The following SLC23A2 variants were observed in gnomAD, a reference collection of about 807,000 sequenced individuals.
SLC23A2 encodes Na(+)/L-ascorbic acid transporter 2.
SLC23A2 carries 36 observed loss-of-function variants against 73.3 expected under a neutral mutation model. The ratio of observed to expected loss-of-function variants is 0.49; its 90% CI spans 0.38 to 0.65. The LOEUF (loss-of-function observed/expected upper bound fraction) is 0.65, where lower values mean the gene tolerates loss of function less well. Among genes scored for constraint, SLC23A2 ranks in the 30% least tolerant of loss-of-function variants. The pLI, the probability that SLC23A2 is intolerant of heterozygous loss-of-function variation, is 0.00. For synonymous variants in SLC23A2, 343 were observed against 327.3 expected (o/e 1.05, Z -0.52); for missense variants, 507 against 841.6 (o/e 0.60, Z 4.92).
chr20:4,865,500 T>G (rs1171097093), intron 13 of SLC23A2, among the ~76,000 whole-genome samples: 2 of 152,200 alleles, frequency 1.3e-5, no homozygotes, highest in Non-Finnish European at 2.9e-5. Flanking sequence ...GCTGGCAAGG[T>G]AACTTGTCAG....
At position 4,902,551 on chromosome 20, in the gene SLC23A2, A is replaced by T. The variant is rs953295363; in HGVS notation, c.215T>A (p.Leu72His). The change falls in exon 5 of 17, where the codon CTC becomes CAC. Residue 72 changes from leucine to histidine, a missense_variant. This residue lies in a region of SLC23A2 where 78 missense variants were observed against 86.7 expected (regional missense o/e 0.90). Coordinates refer to ENST00000338244, the MANE Select transcript of SLC23A2 (RefSeq NM_005116.6). This position sits in a 1 kb window ranked among gnomAD's most constrained non-coding sequence, Gnocchi z 4.0. The part of the protein sequence containing the change: ...TENGIAEKSS[L>H]AETLDSTGSL... Reference sequence around the variant, plus strand: ...GCCAGTGCTATCCAGGGTCTCAGCGAGAGAGCTCTGCGAGCCAGAAGGAGA... The same window carrying T: ...GCCAGTGCTATCCAGGGTCTCAGCGTGAGAGCTCTGCGAGCCAGAAGGAGA... The T allele has an allele frequency of 3.1e-6, 5 of 1,598,354 alleles. No homozygotes were observed.
chr20:4,876,141 C>T (rs1930646370), intron 9 of SLC23A2, among the ~76,000 whole-genome samples: 1 of 152,298 alleles, frequency 6.6e-6, no homozygotes, highest in Non-Finnish European at 1.5e-5. Context: ...AATATGGTAA[C>T]AAGGGATACT....
intron 6 of SLC23A2, among the ~76,000 whole-genome samples, chr20:4,889,691 A>G (rs950675778): frequency 6.6e-6 from 1 of 151,646 alleles, no homozygotes; most frequent in Non-Finnish European, 1.5e-5. Flanking sequence ...ACTCCCCACA[A>G]GCTGTCCTGC....
intron 6 of SLC23A2, among the ~76,000 whole-genome samples, chr20:4,888,526 C>T (rs1050378649): frequency 1.6e-4 from 24 of 152,158 alleles, no homozygotes; most frequent in African/African-American, 5.3e-4. Context: ...GACGAGATCC[C>T]ATGTCGGGCT....
rs537039640 is a variant in SLC23A2 at position 4,856,864 on chromosome 20, C to T, written c.*108G>A. ...TTCGCAGTCTGTCTTAGCTCTGGGG[C>T]GCAGAATGTAAATGTAGATATACAA... On this transcript the variant is annotated 3_prime_UTR_variant, in exon 17 of 17. Transcript: ENST00000338244. The surrounding 1 kb of genome is among the most constrained non-coding windows in gnomAD (Gnocchi z 4.6). 34 of 730,760 alleles carry T rather than the reference C, an allele frequency of 4.7e-5. No individual in the cohort carries two copies. Among genetic ancestry groups the T allele is most frequent in the South Asian group, 3.2e-4 (19 of 59,582 alleles). 45.3% of individuals were successfully genotyped at this position (730,760 alleles called of 1,614,324 possible).
chr20:4,908,738 G>A (rs1932041647), intron 4 of SLC23A2, among the ~76,000 whole-genome samples: 1 of 152,182 alleles, frequency 6.6e-6, no homozygotes, highest in Admixed American at 6.5e-5. Context: ...GGCCAGCCTG[G>A]TCAACATGGC....
intron 3 of SLC23A2, among the ~76,000 whole-genome samples, chr20:4,915,007 C>T (rs1160841229): frequency 6.6e-6 from 1 of 152,146 alleles, no homozygotes; most frequent in Admixed American, 6.5e-5. Context: ...CCGAGCAAGA[C>T]ATCGACTCTA....
intron 2 of SLC23A2, among the ~76,000 whole-genome samples, chr20:4,953,523 A>G (rs2087235290): frequency 6.6e-6 from 1 of 152,126 alleles, no homozygotes; most frequent in Non-Finnish European, 1.5e-5. Flanking sequence ...AATTTGAAAC[A>G]GAATACAGAC....
intron 1 of SLC23A2, among the ~76,000 whole-genome samples, chr20:4,986,939 A>G (rs2087840787): frequency 6.6e-6 from 1 of 152,030 alleles, no homozygotes; most frequent in Non-Finnish European, 1.5e-5. Flanking sequence ...TCCCTCCTCC[A>G]TCCACCTCTC....
chr20:4,990,516 C>T (rs2087907919), intron 1 of SLC23A2, among the ~76,000 whole-genome samples: 1 of 151,642 alleles, frequency 6.6e-6, no homozygotes, highest in African/African-American at 2.4e-5. Context: ...GGACTACAGG[C>T]ATGCACCACC....
At chr20:4,918,459 T>C (rs1265075989) in intron 3 of SLC23A2, among the ~76,000 whole-genome samples, 1 of 152,216 alleles carries the variant, frequency 6.6e-6, no homozygotes, top group Non-Finnish European at 1.5e-5. Context: ...ACGGACACAT[T>C]TCCACACTCA....
chr20:4,992,410 C>T (rs1249552637), intron 1 of SLC23A2, among the ~76,000 whole-genome samples: 1 of 150,778 alleles, frequency 6.6e-6, no homozygotes, highest in African/African-American at 2.5e-5. Flanking sequence ...CTAATTATAG[C>T]CAATTTTTTT....
intron 15 of SLC23A2, 44 bp from the exon 16 acceptor site, chr20:4,859,428 G>T: frequency 7.6e-7 from 1 of 1,314,262 alleles, no homozygotes; most frequent in Non-Finnish European, 1.1e-6. Context: ...CCACAGCAGC[G>T]GTGAGCCTGC....
At chr20:4,895,956 C>T (rs552483375) in intron 6 of SLC23A2, among the ~76,000 whole-genome samples, 25 of 152,254 alleles carry the variant, frequency 1.6e-4, no homozygotes, top group Non-Finnish European at 2.9e-4. Context: ...TCTTCCCTCA[C>T]TAACCCCACA....
At chr20:4,924,439 C>T (rs1600138524) in intron 3 of SLC23A2, among the ~76,000 whole-genome samples, 1 of 152,240 alleles carries the variant, frequency 6.6e-6, no homozygotes, top group East Asian at 1.9e-4. Flanking sequence ...CTCCCACCTC[C>T]ACATGGCAAG....
chr20:4,937,052 A>C (rs1254815830), intron 2 of SLC23A2, among the ~76,000 whole-genome samples: 1 of 151,868 alleles, frequency 6.6e-6, no homozygotes, highest in Admixed American at 6.6e-5. Context: ...TGGACACGCC[A>C]TAAAAAGCCC....
At chr20:4,869,202 G>A (rs6139571) in intron 12 of SLC23A2, 2 of 152,230 alleles carry the variant, frequency 1.3e-5, no homozygotes, top group Non-Finnish European at 2.9e-5. Flanking sequence ...AAGGTGCTGA[G>A]GTGGGAGGAT....
chr20:4,996,685 C>CAAAAAAAAAAA (rs1555809857), intron 1 of SLC23A2, among the ~76,000 whole-genome samples: 1 of 54,776 alleles, frequency 1.8e-5, no homozygotes, highest in African/African-American at 7.2e-5. Context: ...GATTCCATCT[C>CAAAAAAAAAAA]AAAAAAAAAA....
chr20:4,865,828 A>AT (rs960591815), intron 13 of SLC23A2, among the ~76,000 whole-genome samples: 132 of 151,224 alleles, frequency 8.7e-4, no homozygotes, highest in South Asian at 1.0e-3. Flanking sequence ...TTATTTATAT[A>AT]TTTTTTTTTA....
Sources: gnomAD v4.1 joint callset for allele counts (sites outside exome capture counted in the v4.1 genomes callset) on GRCh38, gnomAD v4.1.1 for gene constraint, gnomAD v4.1.1 regional missense constraint, Gnocchi (gnomAD v3.1) non-coding constraint, MANE v1.5 for transcripts, NCBI Gene and HGNC (gene_info 2026-07-23, HGNC 2026-07-21) for gene names.